The following TMEM163 variants were observed in gnomAD, a reference collection of about 807,000 sequenced individuals.
TMEM163 encodes transmembrane protein 163.
TMEM163 carries 17 observed loss-of-function variants against 29.3 expected under a neutral mutation model. That is an observed-to-expected ratio of 0.58 (90% CI 0.40 to 0.87). The LOEUF is 0.87. Ranked by LOEUF, TMEM163 falls within the 40% of genes least tolerant of loss-of-function variation. TMEM163 has a pLI of 0.00. For synonymous variants in TMEM163, 157 were observed against 160.6 expected (o/e 0.98, Z 0.17); for missense variants, 303 against 381.5 (o/e 0.79, Z 1.71).
chr2:134,460,177 C>T lies in TMEM163; in HGVS notation c.668-2004G>A, dbSNP rs1232832781. The stretch of plus-strand genomic sequence containing the variant: ...CGCCACAGCCAGAGGGACCCTCTGT[C>T]GGTGAGCAGCAGCCAGACTCTCCCG... On this transcript the variant is annotated intron_variant, in intron 6 of 7. Coordinates refer to ENST00000281924, the MANE Select transcript of TMEM163 (RefSeq NM_030923.5). This position sits in a 1 kb window ranked among gnomAD's most constrained non-coding sequence, Gnocchi z 4.3. Among the ~76,000 whole-genome samples, 10 of 150,946 alleles carry T rather than the reference C, an allele frequency of 6.6e-5. No individual in the cohort carries two copies. Among genetic ancestry groups the T allele is most frequent in the African/African-American group, 1.5e-4 (6 of 41,074 alleles).
intron 4 of TMEM163, among the ~76,000 whole-genome samples, chr2:134,519,687 G>A (rs755050517): frequency 4.9e-4 from 74 of 151,802 alleles, no homozygotes; most frequent in South Asian, 1.5e-3. Flanking sequence ...CCTCCAGCCT[G>A]GGTGACAGAG....
At chr2:134,702,694 AG>A (rs1305618715) in intron 2 of TMEM163, among the ~76,000 whole-genome samples, 1 of 152,098 alleles carries the variant, frequency 6.6e-6, no homozygotes, top group African/African-American at 2.4e-5. Flanking sequence ...TTTTCAAAAA[AG>A]ATCCACAAAA....
rs1686440884 is a variant in TMEM163 at position 134,458,038 on chromosome 2, C to T, written c.803G>A (p.Gly268Glu). The T allele has an allele frequency of 6.2e-7, 1 of 1,614,056 alleles. No homozygotes were observed. Among genetic ancestry groups the T allele is most frequent in the Admixed American group, 1.7e-5 (1 of 60,012 alleles). Residue 268 changes from glycine to glutamate, a missense_variant, in exon 7 of 8, where the codon GGG becomes GAG. By Grantham distance (98) the Gly-to-Glu change is moderately conservative. Transcript: ENST00000281924. Reference protein sequence around the residue: ...VLIGLTIFAYGVKLLIDMVPR... With the variant: ...VLIGLTIFAYEVKLLIDMVPR... ...GGAAAGCACAAGAACCTACTTGACC[C>T]CATAGGCAAATATGGTGAGGCCGAT...
chr2:134,519,272 C>T (rs1380158618), intron 4 of TMEM163, among the ~76,000 whole-genome samples: 1 of 152,242 alleles, frequency 6.6e-6, no homozygotes, highest in Non-Finnish European at 1.5e-5. Context: ...GCCATGAACT[C>T]TGTTGACGTT....
rs767719613 is a variant in TMEM163, at chr2:134,550,545, T to C, written c.458+25A>G. 25 of 1,611,462 alleles carry C rather than the reference T, an allele frequency of 1.6e-5. No homozygotes were observed. The East Asian group carries it at 5.1e-4, about 33-fold the overall frequency. ...CTTCATCTGCACGGGTTCTTCAGCC[T>C]GGAGAAAGACAAGAATCTACTTACA... On this transcript the variant is annotated intron_variant, in intron 4 of 7. Coordinates refer to ENST00000281924, the MANE Select transcript of TMEM163 (RefSeq NM_030923.5).
At chr2:134,595,324 C>G (rs907340171) in intron 2 of TMEM163, among the ~76,000 whole-genome samples, 2 of 151,930 alleles carry the variant, frequency 1.3e-5, no homozygotes, top group Non-Finnish European at 2.9e-5. Context: ...TCCAAGTGTT[C>G]TCATTGTTCA....
chr2:134,528,222 G>T (rs1378507974), intron 4 of TMEM163, among the ~76,000 whole-genome samples: 2 of 152,192 alleles, frequency 1.3e-5, no homozygotes, highest in African/African-American at 2.4e-5. Flanking sequence ...GTTGGGAAAT[G>T]GGTCTTGGTG....
chr2:134,473,488 T>C (rs1156944714), intron 5 of TMEM163, among the ~76,000 whole-genome samples: 1 of 146,506 alleles, frequency 6.8e-6, no homozygotes, highest in Admixed American at 6.8e-5. Context: ...TGACCCAAGA[T>C]CACACCATTG....
intron 4 of TMEM163, among the ~76,000 whole-genome samples, chr2:134,541,716 C>T (rs1293419519): frequency 6.6e-6 from 1 of 151,984 alleles, no homozygotes; most frequent in Non-Finnish European, 1.5e-5. Context: ...AAAAACTATA[C>T]GTAGATCATC....
At chr2:134,596,056 G>A (rs1380716486) in intron 2 of TMEM163, among the ~76,000 whole-genome samples, 1 of 152,296 alleles carries the variant, frequency 6.6e-6, no homozygotes, top group South Asian at 2.1e-4. Flanking sequence ...CTCCCATTCT[G>A]TAGGTTGCCG....
chr2:134,587,306 G>T (rs1681844169), intron 2 of TMEM163, among the ~76,000 whole-genome samples: 1 of 152,154 alleles, frequency 6.6e-6, no homozygotes, highest in African/African-American at 2.4e-5. Context: ...TGGCTACTAG[G>T]GAGTGTGAGG....
chr2:134,528,093 A>G (rs1680335587), intron 4 of TMEM163, among the ~76,000 whole-genome samples: 1 of 152,212 alleles, frequency 6.6e-6, no homozygotes, highest in South Asian at 2.1e-4. Context: ...TGGTCCTTCT[A>G]ACACCATCCA....
At chr2:134,566,483 AACCAGGGAGG>A (rs1681303353) in intron 2 of TMEM163, among the ~76,000 whole-genome samples, 2 of 152,134 alleles carry the variant, frequency 1.3e-5, no homozygotes, top group Non-Finnish European at 2.9e-5. Context: ...GAATCGCTTG[AACCAGGGAGG>A]TGGAGCTTGC....
Position 134,700,946 on chromosome 2 carries a change from A to ATAAATAAT in TMEM163, c.322+12253_322+12254insATTATTTA, listed in dbSNP as rs1224932291. Among the ~76,000 whole-genome samples the ATAAATAAT allele has an allele frequency of 2.1e-4, 31 of 149,788 alleles. 1 individual carries two copies. Among genetic ancestry groups the ATAAATAAT allele is most frequent in the African/African-American group, 7.3e-4 (30 of 40,898 alleles). On this transcript the variant is annotated intron_variant, in intron 2 of 7. Coordinates refer to ENST00000281924, the MANE Select transcript of TMEM163 (RefSeq NM_030923.5). ...AATAAATAAATAAATAAATAAATAAATAAAGTAAAAAATAAAAAGACAAAC... is the reference window on the plus strand; with the variant it reads ...AATAAATAAATAAATAAATAAATAAATAAATAATTAAAGTAAAAAATAAAAAGACAAAC...
chr2:134,652,476 T>A (rs1362664334), intron 2 of TMEM163, among the ~76,000 whole-genome samples: 2 of 99,688 alleles, frequency 2.0e-5, no homozygotes, highest in East Asian at 4.6e-4. Flanking sequence ...AGATATACAA[T>A]CATGTCATCT....
At chr2:134,647,933 C>G (rs1683372129) in intron 2 of TMEM163, among the ~76,000 whole-genome samples, 1 of 152,154 alleles carries the variant, frequency 6.6e-6, no homozygotes, top group Non-Finnish European at 1.5e-5. Flanking sequence ...ACCCCTGAAG[C>G]CCCAGAAAGT....
At chr2:134,478,338 A>G (rs528560368) in intron 5 of TMEM163, among the ~76,000 whole-genome samples, 14 of 152,320 alleles carry the variant, frequency 9.2e-5, no homozygotes, top group African/African-American at 3.4e-4. Flanking sequence ...GGCTCAGGAG[A>G]AGACTAGAAG....
intron 2 of TMEM163, among the ~76,000 whole-genome samples, chr2:134,599,260 T>G (rs1042112167): frequency 5.9e-5 from 9 of 152,146 alleles, no homozygotes; most frequent in African/African-American, 2.2e-4. Flanking sequence ...GGTTTACACG[T>G]TTTAGGTGTA....
At chr2:134,545,184 G>C (rs944530428) in intron 4 of TMEM163, among the ~76,000 whole-genome samples, 8 of 152,148 alleles carry the variant, frequency 5.3e-5, no homozygotes, top group African/African-American at 1.9e-4. Context: ...ATTCTTTAGA[G>C]TGGCTGCATA....
Sources: allele counts gnomAD v4.1 joint callset (sites outside exome capture counted in the v4.1 genomes callset), GRCh38; gene constraint gnomAD v4.1.1; non-coding constraint Gnocchi (gnomAD v3.1); transcripts MANE v1.5; gene names NCBI Gene and HGNC (gene_info 2026-07-23, HGNC 2026-07-21).